CAB39L: variants seen among roughly 807,000 people sequenced by gnomAD.
CAB39L encodes the protein calcium-binding protein 39-like.
A neutral mutation model predicts 39.1 loss-of-function variants in CAB39L; 23 were observed. The observed-to-expected ratio is 0.59, with a 90% CI of 0.42 to 0.83. The LOEUF is 0.83. Among genes scored for constraint, CAB39L ranks in the 40% least tolerant of loss-of-function variants. CAB39L has a pLI of 0.00. For synonymous variants in CAB39L, 126 were observed against 137.2 expected, an observed-to-expected ratio of 0.92 and a Z score of 0.57; for missense variants, 366 against 391.9, an observed-to-expected ratio of 0.93 and a Z score of 0.56.
At chr13:49,335,737 C>T (rs930205708) in intron 9 of CAB39L, among the ~76,000 whole-genome samples, 9 of 152,176 alleles carry the variant, frequency 5.9e-5, no homozygotes, top group African/African-American at 2.2e-4. Flanking sequence ...TAATTAAATG[C>T]CAGGCCTCTG....
intron 10 of CAB39L, among the ~76,000 whole-genome samples, chr13:49,327,168 T>C (rs996032510): frequency 2.6e-5 from 4 of 152,096 alleles, no homozygotes; most frequent in Non-Finnish European, 5.9e-5. Flanking sequence ...TCAGATTTTT[T>C]TTTTAATAAA....
At chr13:49,396,421 T>A (rs1488105429) in intron 3 of CAB39L, among the ~76,000 whole-genome samples, 1 of 151,366 alleles carries the variant, frequency 6.6e-6, no homozygotes, top group African/African-American at 2.4e-5. Flanking sequence ...TAAAAAAAAA[T>A]TTCAGGGCCA....
intron 1 of CAB39L, among the ~76,000 whole-genome samples, chr13:49,435,883 T>C (rs1159285959): frequency 6.6e-6 from 1 of 152,232 alleles, no homozygotes; most frequent in Non-Finnish European, 1.5e-5. Context: ...TGGTCTTACT[T>C]GCCTGGAATT....
chr13:49,316,519 CA>C (rs1485086438), intron 10 of CAB39L, among the ~76,000 whole-genome samples: 1 of 151,996 alleles, frequency 6.6e-6, no homozygotes, highest in Admixed American at 6.6e-5. Context: ...AAAAACAACA[CA>C]AAAAAACTAC....
At chr13:49,381,686 C>T (rs957625070) in intron 4 of CAB39L, among the ~76,000 whole-genome samples, 13 of 152,202 alleles carry the variant, frequency 8.5e-5, no homozygotes, top group African/African-American at 3.1e-4. Context: ...TGCATGTAGG[C>T]AGAAGTTCTT....
chr13:49,408,748 T>C (rs1355377102), intron 3 of CAB39L, among the ~76,000 whole-genome samples: 6 of 151,974 alleles, frequency 3.9e-5, no homozygotes, highest in Non-Finnish European at 7.4e-5. Context: ...GGAGGGTCAT[T>C]TGAGCCCTGG....
intron 5 of CAB39L, among the ~76,000 whole-genome samples, chr13:49,365,785 C>T (rs908927562): frequency 5.3e-5 from 8 of 152,122 alleles, no homozygotes; most frequent in African/African-American, 1.9e-4. Context: ...TTTAGCAATC[C>T]TACTCTTAGG....
chr13:49,351,712 C>T (rs1026397294), intron 6 of CAB39L, among the ~76,000 whole-genome samples: 3 of 152,134 alleles, frequency 2.0e-5, no homozygotes, highest in African/African-American at 7.2e-5. Context: ...GGAACGGGGG[C>T]TTGGCCTGGG....
chr13:49,435,737 G>A (rs1957400638), intron 1 of CAB39L, among the ~76,000 whole-genome samples: 1 of 152,178 alleles, frequency 6.6e-6, no homozygotes, highest in Admixed American at 6.5e-5. Flanking sequence ...CTGACCTCAA[G>A]CGATCTGCCC....
At chr13:49,332,789 C>T (rs750058655) in intron 9 of CAB39L, among the ~76,000 whole-genome samples, 1 of 151,740 alleles carries the variant, frequency 6.6e-6, no homozygotes, top group Non-Finnish European at 1.5e-5. Flanking sequence ...TTGTTCTCAC[C>T]ATAATTCTGG....
At chr13:49,424,705 T>A (rs1220386005) in intron 3 of CAB39L, among the ~76,000 whole-genome samples, 3 of 152,192 alleles carry the variant, frequency 2.0e-5, no homozygotes, top group African/African-American at 7.2e-5. Flanking sequence ...TTTTAAGAAA[T>A]AAAACTTATT....
intron 3 of CAB39L, among the ~76,000 whole-genome samples, chr13:49,427,404 C>A (rs766546905): frequency 1.3e-5 from 2 of 152,158 alleles, no homozygotes; most frequent in Non-Finnish European, 2.9e-5. Flanking sequence ...TTGCTGGGCA[C>A]CATGGCTCAT....
chr13:49,352,551 C>T (rs1373282996), intron 6 of CAB39L, among the ~76,000 whole-genome samples: 2 of 151,386 alleles, frequency 1.3e-5, no homozygotes, highest in African/African-American at 2.4e-5. Context: ...CTCAGGAGTT[C>T]GAGACCAGCC....
At chr13:49,398,242 C>T (rs143019593) in intron 3 of CAB39L, among the ~76,000 whole-genome samples, 6 of 152,108 alleles carry the variant, frequency 3.9e-5, no homozygotes, top group African/African-American at 1.2e-4. Flanking sequence ...CACAAAACTG[C>T]AAAGTATGTT....
chr13:49,359,577 G>A, intron 6 of CAB39L, 137 bp downstream of exon 6: 1 of 537,160 alleles, frequency 1.9e-6, no homozygotes, highest in Non-Finnish European at 3.3e-6. Context: ...AGATCTGGAG[G>A]GCTGACCTCA....
chr13:49,440,841 T>C (rs1957505100), intron 1 of CAB39L, among the ~76,000 whole-genome samples: 1 of 150,948 alleles, frequency 6.6e-6, no homozygotes, highest in South Asian at 2.1e-4. Flanking sequence ...CTGATTTTTG[T>C]ACAGAGTTTG....
intron 3 of CAB39L, among the ~76,000 whole-genome samples, chr13:49,385,645 C>T (rs1425357634): frequency 2.6e-5 from 4 of 152,128 alleles, no homozygotes; most frequent in Non-Finnish European, 4.4e-5. Context: ...TCCTTGAACA[C>T]GTAGAGGCCA....
At chr13:49,415,023 C>T (rs1288697046) in intron 3 of CAB39L, among the ~76,000 whole-genome samples, 1 of 151,380 alleles carries the variant, frequency 6.6e-6, no homozygotes, top group Non-Finnish European at 1.5e-5. Flanking sequence ...TGGTGAAATC[C>T]CATCTCTACT....
At chr13:49,443,339 G>GA (rs77538575) in intron 1 of CAB39L, among the ~76,000 whole-genome samples, 116,384 of 149,222 alleles carry the variant, frequency 0.78, 46,058 homozygotes, top group African/African-American at 0.93. Flanking sequence ...TTAAAATAAA[G>GA]AAAAAAAAAA....
Sources: allele counts gnomAD v4.1 joint callset (sites outside exome capture counted in the v4.1 genomes callset), GRCh38; gene constraint gnomAD v4.1.1; transcripts MANE v1.5; gene names NCBI Gene and HGNC (gene_info 2026-07-23, HGNC 2026-07-21).